EMILIN2: variants seen among roughly 807,000 people sequenced by gnomAD.
EMILIN2 encodes elastin microfibril interfacer 2, also known as EMILIN-2.
A neutral mutation model predicts 87.1 loss-of-function variants in EMILIN2; 71 were observed. The ratio of observed to expected loss-of-function variants is 0.82; its 90% confidence interval spans 0.67 to 0.99. The LOEUF (loss-of-function observed/expected upper bound fraction) is 0.99, where lower values mean the gene tolerates loss of function less well. EMILIN2 is among the 50% of genes least tolerant of loss of function. The pLI, the probability that EMILIN2 is intolerant of heterozygous loss-of-function variation, is 0.00. For missense variants in EMILIN2, 1,407 were observed against 1,371.8 expected (o/e 1.03, Z -0.40); for synonymous variants, 581 against 563.4 (o/e 1.03, Z -0.44).
At chr18:2,911,160 G>A (rs1379680517) in intron 7 of EMILIN2, among the ~76,000 whole-genome samples, 1 of 152,252 alleles carries the variant, frequency 6.6e-6, no homozygotes, top group Non-Finnish European at 1.5e-5. Context: ...GGCGACTTGA[G>A]AGATTCAAGT....
At chr18:2,887,174 C>G (rs1243782752) in intron 3 of EMILIN2, among the ~76,000 whole-genome samples, 1 of 152,040 alleles carries the variant, frequency 6.6e-6, no homozygotes, top group Admixed American at 6.5e-5. Context: ...CAATAGTGCT[C>G]AGTTTTTCTC....
Position 2,913,594 on chromosome 18 carries a change from C to T in EMILIN2, c.*190C>T, listed in dbSNP as rs1430884454. The T allele has an allele frequency of 6.2e-5, 35 of 562,778 alleles. No homozygotes were observed. The highest frequency in any genetic ancestry group is 7.4e-5 in the Non-Finnish European group (24 of 322,654). The allele number at this position is 562,778 out of a possible 1,614,324, so 34.9% of individuals were successfully genotyped here. On this transcript the variant is annotated 3_prime_UTR_variant, in exon 8 of 8. Coordinates refer to ENST00000254528, the MANE Select transcript of EMILIN2 (RefSeq NM_032048.3). ...GCCAGGCTGCAGGGAGTGAGGCACA[C>T]GGTGAACATGGCCACTGACTTTTCT...
In EMILIN2 at chr18:2,900,833, C is replaced by T. The variant is rs533835008; in HGVS notation, c.2360-5950C>T. Among the ~76,000 whole-genome samples the T allele has an allele frequency of 2.0e-5, 3 of 152,300 alleles. No homozygotes were observed. The South Asian group carries it at 6.2e-4, about 32-fold the overall frequency. Reference sequence around the variant, plus strand: ...GTGAAAGCATCTTCCATCCATCCGCCTAGCATTCTGTATGTCAGCACTTTG... The same window carrying T: ...GTGAAAGCATCTTCCATCCATCCGCTTAGCATTCTGTATGTCAGCACTTTG... On this transcript the variant is annotated intron_variant, in intron 4 of 7. Transcript: ENST00000254528.
At chr18:2,850,400 C>A (rs1334363615) in intron 2 of EMILIN2, among the ~76,000 whole-genome samples, 3 of 150,810 alleles carry the variant, frequency 2.0e-5, no homozygotes. Context: ...ACCTGAGGTT[C>A]TTTTTTATTA....
At chr18:2,885,239 G>A in intron 3 of EMILIN2, 100 bp downstream of exon 3, 1 of 1,315,858 alleles carries the variant, frequency 7.6e-7, no homozygotes, top group Non-Finnish European at 1.0e-6. Flanking sequence ...GCTTTGAATG[G>A]CCTTCGAATA....
Position 2,915,209 on chromosome 18 carries a change from C to G in EMILIN2, c.*1805C>G, listed in dbSNP as rs1242912438. ...ACCCAGTCCTCCTCTCAGTGCATCT[C>G]TACTCACCAACAATGGTGAATCTCA... is the stretch of plus-strand genomic sequence containing the variant. On this transcript the variant is annotated 3_prime_UTR_variant, in exon 8 of 8. Transcript: ENST00000254528. 3 of 152,272 alleles carry G rather than the reference C, an allele frequency of 2.0e-5. No homozygotes were observed. The highest frequency in any genetic ancestry group is 4.4e-5 in the Non-Finnish European group (3 of 68,078). 9.4% of individuals were successfully genotyped at this position (152,272 alleles called of 1,614,324 possible).
chr18:2,884,882 A>G, intron 2 of EMILIN2, 82 bp from the exon 3 acceptor site: 1 of 1,454,692 alleles, frequency 6.9e-7, no homozygotes, highest in East Asian at 2.4e-5. Flanking sequence ...GCATGCCCTG[A>G]GTCCTCTTTA....
At chr18:2,869,125 A>G (rs948551180) in intron 2 of EMILIN2, among the ~76,000 whole-genome samples, 6 of 152,176 alleles carry the variant, frequency 3.9e-5, no homozygotes, top group South Asian at 4.1e-4. Flanking sequence ...AGTTAAACCT[A>G]CATTCTGAAA....
At chr18:2,887,358 T>C (rs2076808175) in intron 3 of EMILIN2, among the ~76,000 whole-genome samples, 1 of 152,184 alleles carries the variant, frequency 6.6e-6, no homozygotes, top group Non-Finnish European at 1.5e-5. Flanking sequence ...TGAATGTTTG[T>C]CCCCTCCAAA....
In EMILIN2 at chr18:2,848,637, C is replaced by T. The variant is rs2076588605; in HGVS notation, c.257+706C>T. Among the ~76,000 whole-genome samples, 1 of 149,722 alleles carries T rather than the reference C, an allele frequency of 6.7e-6. No homozygotes were observed. The highest frequency in any genetic ancestry group is 2.1e-4 in the South Asian group (1 of 4,694). ...GAAGCAATGCAATAAAGTACAAATGCCGTTAAATACATGACACTCATTCAA... is the reference window on the plus strand; with the variant it reads ...GAAGCAATGCAATAAAGTACAAATGTCGTTAAATACATGACACTCATTCAA... On this transcript the variant is annotated intron_variant, in intron 2 of 7. Coordinates refer to ENST00000254528, the MANE Select transcript of EMILIN2 (RefSeq NM_032048.3). This position sits in a 1 kb window ranked among gnomAD's most constrained non-coding sequence, Gnocchi z 4.1.
intron 4 of EMILIN2, among the ~76,000 whole-genome samples, chr18:2,896,980 T>C (rs113473579): frequency 0.024 from 3,634 of 151,966 alleles, 66 homozygotes; most frequent in Non-Finnish European, 0.04. Flanking sequence ...CTACAAAAAA[T>C]ACAAAAAAAT....
chr18:2,872,421 C>T (rs979623725), intron 2 of EMILIN2, among the ~76,000 whole-genome samples: 2 of 152,086 alleles, frequency 1.3e-5, no homozygotes, highest in Non-Finnish European at 2.9e-5. Context: ...GGGGTCCCAC[C>T]ATGTTGCCCA....
chr18:2,871,813 A>T (rs16943929), intron 2 of EMILIN2, among the ~76,000 whole-genome samples: 1 of 152,194 alleles, frequency 6.6e-6, no homozygotes. Flanking sequence ...GTCCATTATT[A>T]CGGAGGTAAT....
chr18:2,884,105 G>A (rs775726585), intron 2 of EMILIN2, among the ~76,000 whole-genome samples: 3 of 151,942 alleles, frequency 2.0e-5, no homozygotes, highest in African/African-American at 4.8e-5. Context: ...ACAGGCGCAC[G>A]CCATCACGCC....
intron 2 of EMILIN2, among the ~76,000 whole-genome samples, chr18:2,864,095 A>G (rs1460753060): frequency 1.3e-5 from 2 of 151,734 alleles, no homozygotes; most frequent in Non-Finnish European, 2.9e-5. Context: ...CCATCCCTTT[A>G]TTTTGAGTCT....
chr18:2,896,934 C>G (rs377664582), intron 4 of EMILIN2, among the ~76,000 whole-genome samples: 5 of 152,020 alleles, frequency 3.3e-5, no homozygotes, highest in Admixed American at 6.6e-5. Flanking sequence ...CCCAAGAGTT[C>G]GAGACCAGCC....
Position 2,909,005 on chromosome 18 carries a change from G to A in EMILIN2, c.2695+30G>A, listed in dbSNP as rs1283098007. On this transcript the variant is annotated intron_variant, in intron 6 of 7. Coordinates refer to ENST00000254528, the MANE Select transcript of EMILIN2 (RefSeq NM_032048.3). ...GTCTGCTGAGAGACCAGGAGCAGGA[G>A]GAGCGGTCTCCTTGGTGGCCTCTGC... The A allele has an allele frequency of 8.1e-6, 13 of 1,612,748 alleles. No homozygotes were observed. The African/African-American group carries it at 9.3e-5, about 12-fold the overall frequency.
intron 3 of EMILIN2, among the ~76,000 whole-genome samples, chr18:2,889,023 T>C (rs9965710): frequency 0.13 from 19,571 of 152,054 alleles, 1,544 homozygotes; most frequent in South Asian, 0.31. Flanking sequence ...TTGTGTTTGA[T>C]TTTTTCCACT....
At chr18:2,902,512 G>A (rs764568772) in intron 4 of EMILIN2, among the ~76,000 whole-genome samples, 10 of 152,284 alleles carry the variant, frequency 6.6e-5, no homozygotes, top group East Asian at 1.9e-4. Context: ...AGTGGGTGCC[G>A]TTTGTCTCAG....
Sources: allele counts gnomAD v4.1 joint callset (sites outside exome capture counted in the v4.1 genomes callset), GRCh38; gene constraint gnomAD v4.1.1; non-coding constraint Gnocchi (gnomAD v3.1); transcripts MANE v1.5; gene names NCBI Gene and HGNC (gene_info 2026-07-23, HGNC 2026-07-21).